The following MICU2 variants were observed in gnomAD, a reference collection of about 807,000 sequenced individuals.
The protein encoded by MICU2 is calcium uptake protein 2, mitochondrial.
MICU2 carries 64 observed loss-of-function variants against 60.4 expected under a neutral mutation model. The ratio of observed to expected loss-of-function variants is 1.06; its 90% CI spans 0.87 to 1.31. MICU2 has a LOEUF of 1.31. MICU2 is among the 50% of genes most tolerant of loss of function. The pLI is 0.00. For missense variants in MICU2, 569 were observed against 531.0 expected, an observed-to-expected ratio of 1.07 and a Z score of -0.70; for synonymous variants, 201 against 175.0, an observed-to-expected ratio of 1.15 and a Z score of -1.17.
intron 4 of MICU2, among the ~76,000 whole-genome samples, chr13:21,528,874 A>G (rs1886920264): frequency 1.3e-5 from 2 of 152,344 alleles, no homozygotes; most frequent in African/African-American, 2.4e-5. Flanking sequence ...TAATTCTCCA[A>G]TGAACAGAAG....
intron 1 of MICU2, among the ~76,000 whole-genome samples, chr13:21,592,564 A>T (rs1888606308): frequency 6.6e-6 from 1 of 152,244 alleles, no homozygotes; most frequent in African/African-American, 2.4e-5. Flanking sequence ...ACAAAAAAAG[A>T]AAACATAAGG....
chr13:21,562,251 G>T (rs898259373), intron 2 of MICU2, among the ~76,000 whole-genome samples: 2 of 152,024 alleles, frequency 1.3e-5, no homozygotes, highest in African/African-American at 4.8e-5. Flanking sequence ...TGGGTCAAAT[G>T]GTATTTCTAG....
At position 21,531,251 on chromosome 13, in the gene MICU2, T is replaced by G. The variant is rs144282252; in HGVS notation, c.466+8051A>C. The stretch of plus-strand genomic sequence containing the variant: ...AAAAGGACACTATAAGAAAGGAATA[T>G]TGGAGATAGATTGGAAGATCCCTTC... On this transcript the variant is annotated intron_variant, in intron 4 of 11. Coordinates refer to ENST00000382374, the MANE Select transcript of MICU2 (RefSeq NM_152726.3). The G allele has an allele frequency of 1.5e-5, 19 of 1,289,748 alleles. No individual in the cohort carries two copies. In the East Asian group the frequency reaches 4.4e-4, roughly 30 times the overall value. 79.9% of individuals were successfully genotyped at this position (1,289,748 alleles called of 1,614,324 possible).
intron 11 of MICU2, among the ~76,000 whole-genome samples, chr13:21,493,703 C>T (rs1885918779): frequency 7.1e-6 from 1 of 140,874 alleles, no homozygotes; most frequent in Non-Finnish European, 1.5e-5. Flanking sequence ...TATAATCTTT[C>T]CCTTTTTTTC....
At chr13:21,507,685 CCT>C (rs1057033808) in intron 8 of MICU2, among the ~76,000 whole-genome samples, 1 of 150,318 alleles carries the variant, frequency 6.7e-6, no homozygotes, top group African/African-American at 2.5e-5. Flanking sequence ...CTCATTGCAA[CCT>C]CTGCTGCCCG....
intron 2 of MICU2, among the ~76,000 whole-genome samples, chr13:21,558,643 A>T (rs564186839): frequency 1.4e-4 from 22 of 152,038 alleles, no homozygotes; most frequent in African/African-American, 5.3e-4. Context: ...CACCCCACAA[A>T]ATTTGTGGGC....
intron 1 of MICU2, among the ~76,000 whole-genome samples, chr13:21,583,681 A>G (rs1888398154): frequency 6.6e-6 from 1 of 152,198 alleles, no homozygotes; most frequent in Non-Finnish European, 1.5e-5. Context: ...CAGTACTACT[A>G]CCATCACCGA....
intron 4 of MICU2, among the ~76,000 whole-genome samples, chr13:21,538,471 G>A (rs1420942348): frequency 6.7e-6 from 1 of 149,736 alleles, no homozygotes; most frequent in East Asian, 2.0e-4. Flanking sequence ...GGCTGCAGCA[G>A]GAGGACTGCT....
chr13:21,504,930 CT>C (rs1886258918), intron 8 of MICU2, among the ~76,000 whole-genome samples: 1 of 152,128 alleles, frequency 6.6e-6, no homozygotes, highest in Non-Finnish European at 1.5e-5. Context: ...ACACCACTGC[CT>C]CTAGACACCT....
chr13:21,573,078 A>G (rs1388192253), intron 1 of MICU2, among the ~76,000 whole-genome samples: 1 of 152,222 alleles, frequency 6.6e-6, no homozygotes, highest in East Asian at 1.9e-4. Flanking sequence ...TATTCAAAGT[A>G]CTTCGTAGAA....
chr13:21,532,442 G>A (rs1172824561), intron 4 of MICU2, among the ~76,000 whole-genome samples: 2 of 152,122 alleles, frequency 1.3e-5, no homozygotes, highest in Admixed American at 6.5e-5. Flanking sequence ...TCCAAAGTTT[G>A]TTAAATCTCA....
chr13:21,524,428 AC>A (rs1207294152), intron 4 of MICU2, among the ~76,000 whole-genome samples: 1 of 151,944 alleles, frequency 6.6e-6, no homozygotes, highest in Non-Finnish European at 1.5e-5. Flanking sequence ...TCTAAAAAAA[AC>A]CTCCCTGCCA....
chr13:21,550,628 A>C (rs1887536107), intron 2 of MICU2, among the ~76,000 whole-genome samples: 1 of 152,228 alleles, frequency 6.6e-6, no homozygotes, highest in South Asian at 2.1e-4. Flanking sequence ...TAAAAGCTAG[A>C]TATAGAAAAT....
At position 21,561,711 on chromosome 13, in the gene MICU2, CT is replaced by C. The variant is rs1171543592; in HGVS notation, c.358+5085del. ...GTTTCTTTTTTTTTTTTTTTAGTCTCTTTTTTTTTATTATTATTATACTTTT... is the reference window on the plus strand; with the variant it reads ...GTTTCTTTTTTTTTTTTTTTAGTCTCTTTTTTTTATTATTATTATACTTTT... On this transcript the variant is annotated intron_variant, in intron 2 of 11. Transcript: ENST00000382374. Among the ~76,000 whole-genome samples the C allele has an allele frequency of 6.7e-4, 89 of 133,366 alleles. No homozygotes were observed. In the Middle Eastern group the frequency reaches 0.011, roughly 17 times the overall value. 87.5% of individuals were successfully genotyped at this position (133,366 alleles called of 152,430 possible). A position where few individuals can be genotyped will look rare whatever the true frequency, so the allele number is the denominator to read the frequency against.
chr13:21,496,154 T>C lies in MICU2; in HGVS notation c.940A>G (p.Ser314Gly), dbSNP rs1218430446. The change falls in exon 10 of 12, where the codon AGT becomes GGT. Residue 314 changes from serine (S) to glycine (G), a missense_variant. By Grantham distance (56) the Ser-to-Gly change is moderately conservative. Coordinates refer to ENST00000382374, the MANE Select transcript of MICU2 (RefSeq NM_152726.3). The stretch of plus-strand genomic sequence containing the variant: ...CAAAATGACTTGAATTCATCCAAAC[T>C]AATGCTCTAATAAAGTAAGAGTTTT... ...REKLSAGESISLDEFKSFCHF... is the reference protein window; with the variant it reads ...REKLSAGESIGLDEFKSFCHF... The C allele has an allele frequency of 7.5e-6, 12 of 1,608,508 alleles. No homozygotes were observed. Among genetic ancestry groups the C allele is most frequent in the Non-Finnish European group, 9.3e-6 (11 of 1,176,602 alleles).
chr13:21,511,909 A>G (rs1380364836), intron 7 of MICU2, among the ~76,000 whole-genome samples: 1 of 151,684 alleles, frequency 6.6e-6, no homozygotes. Context: ...GCAGAGCAGT[A>G]TTTCATGGTA....
At chr13:21,499,842 C>T (rs1886100215) in intron 9 of MICU2, among the ~76,000 whole-genome samples, 2 of 146,172 alleles carry the variant, frequency 1.4e-5, no homozygotes, top group African/African-American at 2.5e-5. Flanking sequence ...TGGCCAACAA[C>T]ACAGTGAAAC....
chr13:21,532,843 T>G (rs1026696138), intron 4 of MICU2, among the ~76,000 whole-genome samples: 16 of 151,908 alleles, frequency 1.1e-4, no homozygotes, highest in African/African-American at 3.6e-4. Flanking sequence ...AATGAATGAA[T>G]GAGAGGTGAG....
chr13:21,560,090 T>G (rs1434960018), intron 2 of MICU2, among the ~76,000 whole-genome samples: 1 of 152,218 alleles, frequency 6.6e-6, no homozygotes, highest in Non-Finnish European at 1.5e-5. Context: ...TTTCTACATA[T>G]ACTAAGTATT....
Sources: allele counts gnomAD v4.1 joint callset (sites outside exome capture counted in the v4.1 genomes callset), GRCh38; gene constraint gnomAD v4.1.1; transcripts MANE v1.5; gene names NCBI Gene and HGNC (gene_info 2026-07-23, HGNC 2026-07-21).